SLC25A24: variants seen among roughly 807,000 people sequenced by gnomAD.
SLC25A24 encodes solute carrier family 25 member 24.
In SLC25A24, 49 loss-of-function variants were observed where a neutral mutation model predicts 60.7. That is an observed-to-expected ratio of 0.81 (90% CI 0.64 to 1.02). The LOEUF (loss-of-function observed/expected upper bound fraction) is 1.02. SLC25A24 is among the 50% of genes least tolerant of loss of function. SLC25A24 has a pLI of 0.00. For missense variants in SLC25A24, 564 were observed against 586.3 expected (o/e 0.96, Z 0.39); for synonymous variants, 202 against 200.6 (o/e 1.01, Z -0.06).
chr1:108,176,761 G>A (rs1647687562), intron 3 of SLC25A24, among the ~76,000 whole-genome samples: 1 of 152,114 alleles, frequency 6.6e-6, no homozygotes, highest in Non-Finnish European at 1.5e-5. Flanking sequence ...CCAACCAAGG[G>A]TAATGTACCC....
At chr1:108,186,428 A>C (rs1358959965) in intron 1 of SLC25A24, among the ~76,000 whole-genome samples, 1 of 152,086 alleles carries the variant, frequency 6.6e-6, no homozygotes, top group Non-Finnish European at 1.5e-5. Context: ...GTGTTGGTGC[A>C]TGCCTGTAAA....
intron 8 of SLC25A24, among the ~76,000 whole-genome samples, chr1:108,143,093 G>A (rs1337779566): frequency 2.0e-5 from 3 of 152,028 alleles, no homozygotes; most frequent in African/African-American, 7.3e-5. Context: ...CTAACCTAGT[G>A]GTTTGTATAG....
intron 3 of SLC25A24, among the ~76,000 whole-genome samples, chr1:108,174,039 G>A (rs1395623270): frequency 1.3e-5 from 2 of 152,164 alleles, no homozygotes; most frequent in Non-Finnish European, 2.9e-5. Context: ...TGATGTGACA[G>A]AAAAGAAAAA....
rs1047866587 is a variant in SLC25A24 at position 108,200,334 on chromosome 1, C to T, written c.-196G>A. On this transcript the variant is annotated 5_prime_UTR_variant, in exon 1 of 10. Transcript: ENST00000565488. Reference sequence around the variant, plus strand: ...AGACCCCACCCGAGCCCGCGCGGAGCGCAGGGTGTGGCCGTCCCGCCGCTG... The same window carrying T: ...AGACCCCACCCGAGCCCGCGCGGAGTGCAGGGTGTGGCCGTCCCGCCGCTG... 2 of 325,834 alleles carry T rather than the reference C, an allele frequency of 6.1e-6. No homozygotes were observed. The allele number at this position is 325,834 out of a possible 1,614,324, so 20.2% of individuals were successfully genotyped here.
At chr1:108,161,691 A>G (rs2101618969) in intron 3 of SLC25A24, among the ~76,000 whole-genome samples, 1 of 152,340 alleles carries the variant, frequency 6.6e-6, no homozygotes, top group Non-Finnish European at 1.5e-5. Flanking sequence ...CAACATTTGA[A>G]TGTAGTTTTG....
At chr1:108,192,555 A>G (rs747736035) in intron 1 of SLC25A24, 1 of 1,499,748 alleles carries the variant, frequency 6.7e-7, no homozygotes, top group Non-Finnish European at 9.0e-7. Context: ...TGAAGCTCAA[A>G]AATGTCCAAG....
In SLC25A24 at chr1:108,157,425, T is replaced by C. The variant is rs370883123; in HGVS notation, c.669+37A>G. On this transcript the variant is annotated intron_variant, in intron 5 of 9. Coordinates refer to ENST00000565488, the MANE Select transcript of SLC25A24 (RefSeq NM_013386.5). ...CCACATTTCTCATTGTTTTAGAATA[T>C]TTAGGGCAAACCTGGACACACGATA... The C allele has an allele frequency of 1.9e-5, 30 of 1,567,652 alleles. No homozygotes were observed. The African/African-American group carries it at 3.7e-4, about 19-fold the overall frequency.
intron 3 of SLC25A24, among the ~76,000 whole-genome samples, chr1:108,173,693 T>C (rs539349777): frequency 1.3e-5 from 2 of 152,106 alleles, no homozygotes; most frequent in Non-Finnish European, 2.9e-5. Flanking sequence ...TTCTTAAAAA[T>C]TTGGAGAGCT....
chr1:108,137,506 A>T (rs1049304569), intron 9 of SLC25A24, among the ~76,000 whole-genome samples: 2 of 152,212 alleles, frequency 1.3e-5, no homozygotes, highest in Non-Finnish European at 2.9e-5. Flanking sequence ...ACAGAGAGTG[A>T]ACAAAGTGGG....
At chr1:108,199,656 G>A (rs1399458277) in intron 1 of SLC25A24, 1 of 507,940 alleles carries the variant, frequency 2.0e-6, no homozygotes, top group African/African-American at 2.0e-5. Flanking sequence ...AAAGAACCTG[G>A]GATGGATTCA....
chr1:108,197,052 C>G (rs1283955993), intron 1 of SLC25A24, among the ~76,000 whole-genome samples: 1 of 152,010 alleles, frequency 6.6e-6, no homozygotes, highest in Non-Finnish European at 1.5e-5. Flanking sequence ...TAATTTTTCA[C>G]TAATTTCATA....
Position 108,155,124 on chromosome 1 carries a change from T to C in SLC25A24, c.681A>G (p.Ser227=). 1 of 1,607,008 alleles carries C rather than the reference T, an allele frequency of 6.2e-7. No individual in the cohort carries two copies. Among genetic ancestry groups the C allele is most frequent in the Non-Finnish European group, 8.5e-7 (1 of 1,176,994 alleles). The part of the protein sequence containing the change: ...RLKIMMQVHG[S]KSDKMNIFGG... ...CAAATATGTTCATTTTGTCTGATTT[T>C]GAACCGTGAACCTAAAAATAAAAGC... The change falls in exon 6 of 10, where the codon TCA becomes TCG. Residue 227 remains serine (S), a synonymous_variant. Transcript: ENST00000565488.
At chr1:108,153,231 G>A (rs78450241) in intron 6 of SLC25A24, among the ~76,000 whole-genome samples, 11,022 of 152,126 alleles carry the variant, frequency 0.072, 497 homozygotes, top group Middle Eastern at 0.13. Flanking sequence ...AACCCACAGA[G>A]AACACAGGTT....
rs559724952 is a variant in SLC25A24, at chr1:108,154,989, A to G, written c.816T>C (p.Tyr272=). 4.4e-6 allele frequency: 7 copies of G among 1,607,906 alleles called. No individual in the cohort carries two copies. The South Asian group carries it at 7.8e-5, about 18-fold the overall frequency. The part of the protein sequence containing the change: ...APETAVKFWA[Y]EQYKKLLTEE... ...CACGGGTGATAACAATTACCTGTTC[A>G]TATGCCCAGAATTTAACAGCTGTCT... The change falls in exon 6 of 10, where the codon TAT becomes TAC. Residue 272 remains tyrosine, a synonymous_variant. Transcript: ENST00000565488.
intron 7 of SLC25A24, among the ~76,000 whole-genome samples, chr1:108,146,013 C>T (rs1035173189): frequency 1.1e-4 from 17 of 152,030 alleles, no homozygotes; most frequent in Non-Finnish European, 2.4e-4. Flanking sequence ...CTGATTCTTC[C>T]TATGATATGA....
chr1:108,158,282 G>A (rs757959123), intron 4 of SLC25A24, among the ~76,000 whole-genome samples: 99 of 152,096 alleles, frequency 6.5e-4, no homozygotes, highest in Non-Finnish European at 1.0e-3. Context: ...TATAGTTTGA[G>A]AGAAACAATT....
chr1:108,147,406 C>T (rs911233251), intron 7 of SLC25A24, among the ~76,000 whole-genome samples: 2 of 152,168 alleles, frequency 1.3e-5, no homozygotes, highest in Non-Finnish European at 2.9e-5. Flanking sequence ...GTGTCTCTAT[C>T]TCCTTCAGTT....
chr1:108,173,209 T>G (rs1647525331), intron 3 of SLC25A24, among the ~76,000 whole-genome samples: 1 of 152,142 alleles, frequency 6.6e-6, no homozygotes. Context: ...CCCACCCAAA[T>G]CTCATCTTGA....
Position 108,200,246 on chromosome 1 carries a change from A to AC in SLC25A24, c.-109dup. 1 of 1,145,648 alleles carries AC rather than the reference A, an allele frequency of 8.7e-7. No homozygotes were observed. The highest frequency in any genetic ancestry group is 2.1e-5 in the South Asian group (1 of 47,396). 71.0% of individuals were successfully genotyped at this position (1,145,648 alleles called of 1,614,324 possible). A position where few individuals can be genotyped will look rare whatever the true frequency, so the allele number is the denominator to read the frequency against. The stretch of plus-strand genomic sequence containing the variant: ...CGGGCTGGGCGGGGCGCGCGGCGCA[A>AC]CAGCGTTTGGGGCGCCGTCGGGGTT... On this transcript the variant is annotated 5_prime_UTR_variant, in exon 1 of 10. Transcript: ENST00000565488.
Sources: gnomAD v4.1 joint callset for allele counts (sites outside exome capture counted in the v4.1 genomes callset) on GRCh38, gnomAD v4.1.1 for gene constraint, MANE v1.5 for transcripts, NCBI Gene and HGNC (gene_info 2026-07-23, HGNC 2026-07-21) for gene names.